TMEM108: variants seen among roughly 807,000 people sequenced by gnomAD.
TMEM108 encodes cancer/testis antigen 124.
Under a neutral mutation model 35.1 loss-of-function variants are expected in TMEM108, and 12 were observed. That is an observed-to-expected ratio of 0.34 (90% confidence interval 0.22 to 0.55). The LOEUF (loss-of-function observed/expected upper bound fraction) is 0.55, where lower values mean the gene tolerates loss of function less well. Ranked by LOEUF, TMEM108 falls within the 20% of genes least tolerant of loss-of-function variation. The pLI is 0.89. For synonymous variants in TMEM108, 287 were observed against 308.6 expected (o/e 0.93, Z 0.73); for missense variants, 680 against 753.3 (o/e 0.90, Z 1.14).
intron 3 of TMEM108, among the ~76,000 whole-genome samples, chr3:133,361,545 ATACT>A (rs1296688309): frequency 2.6e-5 from 4 of 152,210 alleles, no homozygotes; most frequent in African/African-American, 9.7e-5. Context: ...AATCTGGAAA[ATACT>A]TAGTGGGGAC....
intron 2 of TMEM108, among the ~76,000 whole-genome samples, chr3:133,124,147 G>A (rs1944386744): frequency 6.6e-6 from 1 of 152,118 alleles, no homozygotes; most frequent in African/African-American, 2.4e-5. Flanking sequence ...GATACTTCAA[G>A]TATTCTTTAG....
intron 2 of TMEM108, among the ~76,000 whole-genome samples, chr3:133,207,937 T>C (rs1170695899): frequency 1.3e-5 from 2 of 152,220 alleles, no homozygotes; most frequent in Admixed American, 1.3e-4. Flanking sequence ...GGTGAACTAA[T>C]AAATTATAGC....
chr3:133,314,137 T>G (rs2071168170), intron 3 of TMEM108, among the ~76,000 whole-genome samples: 1 of 152,180 alleles, frequency 6.6e-6, no homozygotes, highest in African/African-American at 2.4e-5. Flanking sequence ...AAGAGTTTAT[T>G]TTTTTCTGTT....
chr3:133,380,789 A>G lies in TMEM108; in HGVS notation c.1078A>G (p.Thr360Ala). ...SGVFTAATGP[T>A]PAAFDTSVSA... ...GGTCTTCACGGCTGCCACGGGGCCC[A>G]CCCCAGCTGCCTTCGATACCAGTGT... The change falls in exon 4 of 6, where the codon ACC becomes GCC. Residue 360 changes from threonine (T) to alanine (A), a missense_variant. Transcript: ENST00000321871. The surrounding 1 kb of genome is among the most constrained non-coding windows in gnomAD (Gnocchi z 5.3). The G allele has an allele frequency of 6.2e-7, 1 of 1,613,886 alleles. No homozygotes were observed. Among genetic ancestry groups the G allele is most frequent in the African/African-American group, 1.3e-5 (1 of 74,980 alleles).
intron 2 of TMEM108, among the ~76,000 whole-genome samples, chr3:133,170,149 T>C (rs1367214962): frequency 6.6e-6 from 1 of 152,178 alleles, no homozygotes; most frequent in Non-Finnish European, 1.5e-5. Flanking sequence ...AGAATAGTAA[T>C]GTGTGCTTCC....
chr3:133,311,064 G>C (rs1429260211), intron 3 of TMEM108, among the ~76,000 whole-genome samples: 1 of 152,216 alleles, frequency 6.6e-6, no homozygotes, highest in Non-Finnish European at 1.5e-5. Flanking sequence ...ACTCTCTTCT[G>C]GCTTGTAGGG....
intron 4 of TMEM108, among the ~76,000 whole-genome samples, 176 bp from the exon 5 acceptor site, chr3:133,390,004 C>G (rs576280187): frequency 6.6e-6 from 1 of 152,306 alleles, no homozygotes; most frequent in South Asian, 2.1e-4. Context: ...CTGTGAACTT[C>G]TGCTGTAAAG....
At chr3:133,224,375 A>G (rs1281680055) in intron 2 of TMEM108, among the ~76,000 whole-genome samples, 1 of 152,100 alleles carries the variant, frequency 6.6e-6, no homozygotes, top group Non-Finnish European at 1.5e-5. Flanking sequence ...TGAGGTTTTG[A>G]CAATACTGGT....
chr3:133,069,472 A>G (rs760068247), intron 2 of TMEM108, among the ~76,000 whole-genome samples: 1 of 152,184 alleles, frequency 6.6e-6, no homozygotes, highest in Non-Finnish European at 1.5e-5. Context: ...TGGAGGCAGC[A>G]TGCATCTGGG....
chr3:133,327,517 A>G (rs1338969488), intron 3 of TMEM108, among the ~76,000 whole-genome samples: 2 of 152,190 alleles, frequency 1.3e-5, no homozygotes, highest in Non-Finnish European at 2.9e-5. Context: ...GAATAGTGAT[A>G]GGAGCCCCCC....
chr3:133,321,325 T>C (rs555934966), intron 3 of TMEM108, among the ~76,000 whole-genome samples: 38 of 152,156 alleles, frequency 2.5e-4, no homozygotes, highest in Non-Finnish European at 5.0e-4. Flanking sequence ...TGGGGAAAGA[T>C]ATTCCATGCA....
chr3:133,090,982 A>C (rs2107706583), intron 2 of TMEM108, among the ~76,000 whole-genome samples: 1 of 152,252 alleles, frequency 6.6e-6, no homozygotes. Context: ...ATATTTGTGA[A>C]TTTTTAGGGT....
intron 2 of TMEM108, among the ~76,000 whole-genome samples, chr3:133,143,452 A>G (rs1198948201): frequency 6.6e-6 from 1 of 152,100 alleles, no homozygotes; most frequent in Non-Finnish European, 1.5e-5. Flanking sequence ...ATGTTTGTAT[A>G]GGTCATTTTC....
rs548439849 is a variant in TMEM108 at position 133,343,578 on chromosome 3, T to C, written c.41-36174T>C. On this transcript the variant is annotated intron_variant, in intron 3 of 5. Coordinates refer to ENST00000321871, the MANE Select transcript of TMEM108 (RefSeq NM_023943.4). Reference sequence around the variant, plus strand: ...AAGGTTGCTGATTTGTGCAAAGACATGAATAAATCTTAAGTAGATTTTGTT... The same window carrying C: ...AAGGTTGCTGATTTGTGCAAAGACACGAATAAATCTTAAGTAGATTTTGTT... 5.3e-5 allele frequency among the ~76,000 whole-genome samples: 8 copies of C among 151,928 alleles called. No homozygotes were observed. The South Asian group carries it at 1.4e-3, about 28-fold the overall frequency.
chr3:133,334,250 A>AAGAT (rs557445457), intron 3 of TMEM108, among the ~76,000 whole-genome samples: 105 of 152,308 alleles, frequency 6.9e-4, no homozygotes, highest in African/African-American at 2.5e-3. Context: ...CCATGATCAC[A>AAGAT]AGATAAGACA....
chr3:133,309,894 G>T (rs1576447718), intron 3 of TMEM108, among the ~76,000 whole-genome samples: 2 of 151,788 alleles, frequency 1.3e-5, no homozygotes, highest in African/African-American at 2.4e-5. Context: ...TAGAGACGGG[G>T]TTTCACCGTT....
At chr3:133,264,537 T>A (rs995781468) in intron 3 of TMEM108, among the ~76,000 whole-genome samples, 2 of 152,210 alleles carry the variant, frequency 1.3e-5, no homozygotes, top group Admixed American at 1.3e-4. Flanking sequence ...AACACCGTTT[T>A]GTAGCAAAGA....
chr3:133,212,517 G>C (rs912557453), intron 2 of TMEM108, among the ~76,000 whole-genome samples: 1 of 151,994 alleles, frequency 6.6e-6, no homozygotes, highest in African/African-American at 2.4e-5. Context: ...AATATTTCTT[G>C]TACAAAGTAT....
At chr3:133,184,194 ATTTAC>A (rs546079713) in intron 2 of TMEM108, among the ~76,000 whole-genome samples, 199 of 152,318 alleles carry the variant, frequency 1.3e-3, no homozygotes, top group African/African-American at 4.2e-3. Flanking sequence ...TGGCTTGGAT[ATTTAC>A]TTAGAGTAAA....
Sources: allele counts gnomAD v4.1 joint callset (sites outside exome capture counted in the v4.1 genomes callset), GRCh38; gene constraint gnomAD v4.1.1; non-coding constraint Gnocchi (gnomAD v3.1); transcripts MANE v1.5; gene names NCBI Gene and HGNC (gene_info 2026-07-23, HGNC 2026-07-21).